ZNF385B: variants seen among roughly 807,000 people sequenced by gnomAD.
ZNF385B encodes zinc finger protein 385B.
In ZNF385B, 23 loss-of-function variants were observed where a neutral mutation model predicts 39.2. The observed-to-expected ratio is 0.59, with a 90% CI of 0.42 to 0.83. ZNF385B has a LOEUF of 0.83. Among genes scored for constraint, ZNF385B ranks in the 40% least tolerant of loss-of-function variants. The pLI is 0.00. For missense variants in ZNF385B, 552 were observed against 598.9 expected (o/e 0.92, Z 0.82); for synonymous variants, 205 against 222.6 (o/e 0.92, Z 0.70).
At chr2:179,848,123 C>A (rs749182746) in intron 1 of ZNF385B, among the ~76,000 whole-genome samples, 10 of 152,062 alleles carry the variant, frequency 6.6e-5, no homozygotes, top group Non-Finnish European at 1.5e-4. Flanking sequence ...TCATGGATAC[C>A]AAGCAAAGAA....
At chr2:179,771,883 C>G (rs1704032868) in intron 1 of ZNF385B, among the ~76,000 whole-genome samples, 1 of 152,142 alleles carries the variant, frequency 6.6e-6, no homozygotes, top group Non-Finnish European at 1.5e-5. Flanking sequence ...AACGTTTAAC[C>G]TTGCAGAACG....
intron 3 of ZNF385B, among the ~76,000 whole-genome samples, chr2:179,764,435 C>T (rs1019850519): frequency 2.6e-5 from 4 of 151,920 alleles, no homozygotes; most frequent in Admixed American, 6.6e-5. Context: ...GCTATTTACA[C>T]TTAAAGTAAT....
intron 3 of ZNF385B, among the ~76,000 whole-genome samples, chr2:179,688,502 C>CAACAAG (rs1698101019): frequency 6.6e-6 from 1 of 151,590 alleles, no homozygotes. Context: ...ACAACAACAA[C>CAACAAG]AACAACAACA....
At chr2:179,738,249 A>T (rs1255901449) in intron 3 of ZNF385B, among the ~76,000 whole-genome samples, 3 of 152,230 alleles carry the variant, frequency 2.0e-5, no homozygotes, top group African/African-American at 7.2e-5. Context: ...TATTGAAAAA[A>T]TATAATTCGA....
chr2:179,742,185 C>T (rs1702125447), intron 3 of ZNF385B, among the ~76,000 whole-genome samples: 1 of 151,776 alleles, frequency 6.6e-6, no homozygotes, highest in South Asian at 2.1e-4. Context: ...ATTTAGATTC[C>T]ATCAGTCCTT....
chr2:179,544,698 C>T (rs2060120049), intron 4 of ZNF385B, 129 bp downstream of exon 4: 3 of 1,145,216 alleles, frequency 2.6e-6, no homozygotes, highest in Admixed American at 3.7e-5. Context: ...CATAGCACAA[C>T]TGAGCAGCAT....
intron 5 of ZNF385B, among the ~76,000 whole-genome samples, chr2:179,489,729 G>T (rs1473695925): frequency 1.3e-5 from 2 of 152,146 alleles, no homozygotes; most frequent in Non-Finnish European, 2.9e-5. Context: ...CAAGAGAAAG[G>T]CTTACATATC....
chr2:179,449,307 C>T (rs1272258665), intron 6 of ZNF385B, among the ~76,000 whole-genome samples: 2 of 152,010 alleles, frequency 1.3e-5, no homozygotes, highest in Non-Finnish European at 2.9e-5. Context: ...TTTCGAAGGT[C>T]AGATTTGGAT....
chr2:179,581,687 C>T lies in ZNF385B; in HGVS notation c.299-36718G>A, dbSNP rs539896188. On this transcript the variant is annotated intron_variant, in intron 3 of 9. Coordinates refer to ENST00000410066, the MANE Select transcript of ZNF385B (RefSeq NM_152520.6). ...TCAGAAGTATGAGCTCAGCAAATTG[C>T]TTCCCAGATACAGAAAGCATTTCCC... is the stretch of plus-strand genomic sequence containing the variant. Among the ~76,000 whole-genome samples the T allele has an allele frequency of 3.3e-5, 5 of 152,302 alleles. No individual in the cohort carries two copies. The South Asian group carries it at 6.2e-4, about 19-fold the overall frequency.
rs548363068 is a variant in ZNF385B, at chr2:179,575,270, TAGA to T, written c.299-30304_299-30302del. Among the ~76,000 whole-genome samples the T allele has an allele frequency of 7.7e-4, 117 of 152,028 alleles. 2 individuals are homozygous for T. The South Asian group carries it at 0.02, about 25-fold the overall frequency. ...ATCCTGTGATAATAAAACATATATG[TAGA>T]AGAAGAAGAGAGTCAGTGCCAAAAA... On this transcript the variant is annotated intron_variant, in intron 3 of 9. Coordinates refer to ENST00000410066, the MANE Select transcript of ZNF385B (RefSeq NM_152520.6).
chr2:179,462,032 C>A (rs928630763), intron 6 of ZNF385B, among the ~76,000 whole-genome samples: 3 of 152,162 alleles, frequency 2.0e-5, no homozygotes, highest in Admixed American at 6.5e-5. Flanking sequence ...TTTCTGAGGT[C>A]TCTGAAGAAT....
intron 3 of ZNF385B, among the ~76,000 whole-genome samples, chr2:179,716,876 C>A (rs1419446276): frequency 6.6e-6 from 1 of 152,200 alleles, no homozygotes; most frequent in African/African-American, 2.4e-5. Flanking sequence ...ACAACCTGAG[C>A]AAAACAGAGA....
intron 3 of ZNF385B, among the ~76,000 whole-genome samples, chr2:179,615,277 A>C (rs538769124): frequency 1.3e-5 from 2 of 152,306 alleles, no homozygotes; most frequent in South Asian, 4.1e-4. Flanking sequence ...ATTTCCAAAG[A>C]CGATAAGAAG....
intron 3 of ZNF385B, among the ~76,000 whole-genome samples, chr2:179,604,421 T>C (rs1056059915): frequency 2.0e-4 from 30 of 151,770 alleles, no homozygotes; most frequent in Admixed American, 9.8e-4. Context: ...AATACAAAAA[T>C]AATTCTGGCC....
At chr2:179,854,652 TTAAC>T (rs1684438693) in intron 1 of ZNF385B, among the ~76,000 whole-genome samples, 1 of 152,174 alleles carries the variant, frequency 6.6e-6, no homozygotes, top group South Asian at 2.1e-4. Context: ...ATGGACCTCT[TTAAC>T]TAATGCAAAT....
intron 5 of ZNF385B, among the ~76,000 whole-genome samples, chr2:179,516,435 AG>A (rs1422572947): frequency 2.0e-5 from 3 of 152,086 alleles, no homozygotes; most frequent in African/African-American, 7.2e-5. Flanking sequence ...TCCTCATCCT[AG>A]CCATTTGATC....
chr2:179,457,849 T>G (rs1174022122), intron 6 of ZNF385B, among the ~76,000 whole-genome samples: 2 of 152,204 alleles, frequency 1.3e-5, no homozygotes, highest in Non-Finnish European at 2.9e-5. Context: ...CTCTAAATGT[T>G]GTCTTATGAT....
intron 1 of ZNF385B, among the ~76,000 whole-genome samples, chr2:179,782,115 A>G (rs1704702132): frequency 6.6e-6 from 1 of 152,186 alleles, no homozygotes. Flanking sequence ...ATCCAGCAGT[A>G]CTTCAAAAAG....
At chr2:179,735,253 T>G (rs936402339) in intron 3 of ZNF385B, among the ~76,000 whole-genome samples, 2 of 149,640 alleles carry the variant, frequency 1.3e-5, no homozygotes, top group Non-Finnish European at 3.0e-5. Flanking sequence ...AAAGAAGACA[T>G]TTATGCAGCC....
Sources: allele counts gnomAD v4.1 joint callset (sites outside exome capture counted in the v4.1 genomes callset), GRCh38; gene constraint gnomAD v4.1.1; transcripts MANE v1.5; gene names NCBI Gene and HGNC (gene_info 2026-07-23, HGNC 2026-07-21).